Variants in CCDC7 observed in about 807,000 individuals in gnomAD.
CCDC7 encodes the protein coiled-coil domain-containing protein 7.
A neutral mutation model predicts 196.9 loss-of-function variants in CCDC7; 183 were observed. The ratio of observed to expected loss-of-function variants is 0.93; its 90% CI spans 0.82 to 1.05. CCDC7 has a LOEUF of 1.05. CCDC7 is among the 50% of genes least tolerant of loss of function. CCDC7 has a pLI of 0.00. For synonymous variants in CCDC7, 525 were observed against 484.6 expected, an observed-to-expected ratio of 1.08 and a Z score of -1.10; for missense variants, 1,540 against 1,482.2, an observed-to-expected ratio of 1.04 and a Z score of -0.64.
intron 8 of CCDC7, among the ~76,000 whole-genome samples, chr10:32,485,090 T>A (rs1018213043): frequency 2.0e-5 from 3 of 152,248 alleles, no homozygotes; most frequent in Non-Finnish European, 4.4e-5. Context: ...CTCCTCCTTG[T>A]ACCTCTGGTA....
chr10:32,685,279 T>A (rs2076341674), intron 21 of CCDC7, among the ~76,000 whole-genome samples: 1 of 151,894 alleles, frequency 6.6e-6, no homozygotes, highest in Non-Finnish European at 1.5e-5. Context: ...ATTTTTTAAA[T>A]TGCTTTTACA....
downstream of CCDC7, among the ~76,000 whole-genome samples, chr10:32,880,292 C>G (rs2094743308): frequency 1.3e-5 from 2 of 152,198 alleles, no homozygotes; most frequent in South Asian, 4.1e-4. Flanking sequence ...TTGCATTTCT[C>G]TAATGATTAG....
At chr10:32,677,254 T>A (rs899368428) in intron 21 of CCDC7, among the ~76,000 whole-genome samples, 3 of 149,210 alleles carry the variant, frequency 2.0e-5, no homozygotes, top group Non-Finnish European at 4.5e-5. Flanking sequence ...TTAGGAGATA[T>A]ACCTAATGCT....
At chr10:32,526,535 G>A (rs2048704004) in intron 11 of CCDC7, among the ~76,000 whole-genome samples, 1 of 152,102 alleles carries the variant, frequency 6.6e-6, no homozygotes, top group Admixed American at 6.5e-5. Context: ...CACCCTTGAA[G>A]CCCCCATGTC....
At chr10:32,840,133 G>A (rs537253117) in intron 33 of CCDC7, among the ~76,000 whole-genome samples, 1 of 151,744 alleles carries the variant, frequency 6.6e-6, no homozygotes, top group South Asian at 2.1e-4. Flanking sequence ...AAACCCAGCA[G>A]AAGAAAAGAA....
rs528916283 is a variant in CCDC7, at chr10:32,759,559, G to A, written c.2906-19418G>A. On this transcript the variant is annotated intron_variant, in intron 28 of 41. Coordinates refer to ENST00000639629, the Ensembl canonical transcript of CCDC7. ...TAGCCATATGTAGAAAGCTGAAACT[G>A]GATCCCTTCCTTACACCTTATACAA... is the stretch of plus-strand genomic sequence containing the variant. 6.6e-5 allele frequency among the ~76,000 whole-genome samples: 10 copies of A among 152,236 alleles called. No homozygotes were observed. The East Asian group carries it at 1.7e-3, about 26-fold the overall frequency.
chr10:32,443,331 G>A (rs1174864855), upstream of CCDC7, among the ~76,000 whole-genome samples: 1 of 152,076 alleles, frequency 6.6e-6, no homozygotes, highest in Admixed American at 6.5e-5. Context: ...CCCAGTTGCT[G>A]TTACTCCATC....
chr10:32,640,737 G>A (rs1028442178), intron 20 of CCDC7, among the ~76,000 whole-genome samples: 14 of 152,028 alleles, frequency 9.2e-5, no homozygotes, highest in African/African-American at 2.2e-4. Flanking sequence ...TTGCTTGTCC[G>A]TAAAGGATTT....
chr10:32,803,033 T>A (rs375228688), intron 29 of CCDC7, among the ~76,000 whole-genome samples: 1 of 152,336 alleles, frequency 6.6e-6, no homozygotes, highest in East Asian at 1.9e-4. Context: ...TTCAATCCAA[T>A]CACATTGATA....
At chr10:32,461,576 G>C (rs906153294) in intron 3 of CCDC7, among the ~76,000 whole-genome samples, 18 of 151,178 alleles carry the variant, frequency 1.2e-4, no homozygotes, top group African/African-American at 4.4e-4. Context: ...CAGGAACAGA[G>C]TTGTATTGAG....
intron 28 of CCDC7, among the ~76,000 whole-genome samples, chr10:32,755,644 G>A (rs1356660117): frequency 6.6e-6 from 1 of 152,064 alleles, no homozygotes; most frequent in Non-Finnish European, 1.5e-5. Flanking sequence ...CCACAAAGAT[G>A]GGGAGAAACC....
chr10:32,613,558 A>G (rs2062426532), intron 18 of CCDC7, among the ~76,000 whole-genome samples: 1 of 152,188 alleles, frequency 6.6e-6, no homozygotes, highest in Admixed American at 6.5e-5. Context: ...TTAGTGCTAT[A>G]AATTGCCCTC....
intron 29 of CCDC7, among the ~76,000 whole-genome samples, chr10:32,789,239 C>T (rs969790644): frequency 5.9e-5 from 9 of 151,600 alleles, no homozygotes; most frequent in African/African-American, 2.2e-4. Flanking sequence ...AAAAAGAGCA[C>T]TAGTAATTGA....
intron 24 of CCDC7, among the ~76,000 whole-genome samples, chr10:32,704,812 C>T (rs1280602477): frequency 6.6e-6 from 1 of 152,170 alleles, no homozygotes; most frequent in East Asian, 1.9e-4. Context: ...CTCTCCGAGC[C>T]AGGCGCGGGA....
At chr10:32,613,814 T>C (rs2062455857) in intron 18 of CCDC7, among the ~76,000 whole-genome samples, 1 of 152,160 alleles carries the variant, frequency 6.6e-6, no homozygotes, top group African/African-American at 2.4e-5. Context: ...TTACTTCCAA[T>C]TATGTGGTTA....
intron 20 of CCDC7, among the ~76,000 whole-genome samples, chr10:32,639,140 G>C (rs571410405): frequency 6.6e-6 from 1 of 151,878 alleles, no homozygotes; most frequent in East Asian, 1.9e-4. Context: ...TATTAGTCTT[G>C]CTCTAGCGGT....
chr10:32,705,366 G>T (rs1591819565), intron 24 of CCDC7, among the ~76,000 whole-genome samples: 1 of 152,012 alleles, frequency 6.6e-6, no homozygotes, highest in African/African-American at 2.4e-5. Context: ...GCAAAAACAT[G>T]CCAAATTGTA....
chr10:32,454,456 G>C (rs1291868277), intron 2 of CCDC7, among the ~76,000 whole-genome samples: 1 of 152,012 alleles, frequency 6.6e-6, no homozygotes, highest in Non-Finnish European at 1.5e-5. Flanking sequence ...TGAAAAACTA[G>C]CTATCGGGTA....
intron 29 of CCDC7, among the ~76,000 whole-genome samples, chr10:32,797,811 T>A (rs1235607791): frequency 1.3e-5 from 2 of 152,062 alleles, no homozygotes; most frequent in Non-Finnish European, 2.9e-5. Flanking sequence ...TACCACAAAC[T>A]GGGTGTTGAT....
Sources: gnomAD v4.1 joint callset for allele counts (sites outside exome capture counted in the v4.1 genomes callset) on GRCh38, gnomAD v4.1.1 for gene constraint, MANE v1.5 for transcripts, NCBI Gene and HGNC (gene_info 2026-07-23, HGNC 2026-07-21) for gene names.